The following PKIB variants were observed in gnomAD, a reference collection of about 807,000 sequenced individuals.
The protein encoded by PKIB is cAMP-dependent protein kinase inhibitor beta, also known as PKI-beta.
PKIB carries 2 observed loss-of-function variants against 4.5 expected under a neutral mutation model. That is an observed-to-expected ratio of 0.44 (90% CI 0.18 to 1.39). The LOEUF is 1.39. Among genes scored for constraint, PKIB ranks in the 40% most tolerant of loss-of-function variants. PKIB has a pLI of 0.27. For missense variants in PKIB, 94 were observed against 92.6 expected (o/e 1.02, Z -0.06); for synonymous variants, 38 against 36.0 (o/e 1.06, Z -0.20).
chr6:122,663,625 T>A (rs987647072), intron 2 of PKIB, among the ~76,000 whole-genome samples: 1 of 152,180 alleles, frequency 6.6e-6, no homozygotes, highest in African/African-American at 2.4e-5. Context: ...AGCTGGTAGA[T>A]GTGTCCCTCC....
chr6:122,622,684 TC>T (rs1222524157), intron 1 of PKIB, among the ~76,000 whole-genome samples: 1 of 152,006 alleles, frequency 6.6e-6, no homozygotes, highest in Non-Finnish European at 1.5e-5. Flanking sequence ...TGGTGCTTCA[TC>T]CCCCATGGCA....
chr6:122,496,226 A>G (rs547545849), intron 2 of PKIB, among the ~76,000 whole-genome samples: 3 of 152,334 alleles, frequency 2.0e-5, no homozygotes, highest in Non-Finnish European at 4.4e-5. Flanking sequence ...ATCTGAAGTG[A>G]CAGAAGTGCA....
intron 2 of PKIB, among the ~76,000 whole-genome samples, chr6:122,561,610 A>C (rs1025278739): frequency 5.3e-5 from 8 of 151,240 alleles, no homozygotes; most frequent in African/African-American, 1.9e-4. Flanking sequence ...TATGGTGCAT[A>C]TATGTTTAGG....
chr6:122,642,592 C>G (rs1414228373), intron 2 of PKIB, among the ~76,000 whole-genome samples: 1 of 152,160 alleles, frequency 6.6e-6, no homozygotes, highest in African/African-American at 2.4e-5. Context: ...ATTTGTCCCT[C>G]TAGGTAGGAG....
chr6:122,485,815 C>G (rs867249904), intron 2 of PKIB, among the ~76,000 whole-genome samples: 1 of 152,114 alleles, frequency 6.6e-6, no homozygotes, highest in African/African-American at 2.4e-5. Flanking sequence ...AGTGACTGTG[C>G]TTTGGTAGCA....
intron 2 of PKIB, among the ~76,000 whole-genome samples, chr6:122,649,021 C>T (rs981847254): frequency 2.6e-5 from 4 of 152,192 alleles, no homozygotes; most frequent in Non-Finnish European, 5.9e-5. Flanking sequence ...GTGCAGTATC[C>T]ACAGAATGGG....
chr6:122,493,554 A>G (rs1174269025), intron 2 of PKIB: 2 of 152,234 alleles, frequency 1.3e-5, no homozygotes, highest in Admixed American at 6.5e-5. Context: ...TTTATTATGC[A>G]TATCTGAAGC....
chr6:122,525,297 T>C (rs1169736432), intron 2 of PKIB, among the ~76,000 whole-genome samples: 3 of 152,226 alleles, frequency 2.0e-5, no homozygotes, highest in African/African-American at 7.2e-5. Context: ...TTTCATTCTA[T>C]TGTGATTGAA....
chr6:122,514,546 C>T (rs781140599), intron 2 of PKIB, among the ~76,000 whole-genome samples: 6 of 152,112 alleles, frequency 3.9e-5, no homozygotes, highest in Non-Finnish European at 1.5e-5. Flanking sequence ...CACAAAGTGG[C>T]ATATATTTGA....
intron 3 of PKIB, among the ~76,000 whole-genome samples, chr6:122,716,857 A>G (rs1443741628): frequency 2.0e-5 from 3 of 152,122 alleles, no homozygotes; most frequent in Non-Finnish European, 4.4e-5. Flanking sequence ...CTCTGCAGGC[A>G]TATATTTTCT....
At chr6:122,645,294 G>A (rs1347624119) in intron 2 of PKIB, among the ~76,000 whole-genome samples, 4 of 152,216 alleles carry the variant, frequency 2.6e-5, no homozygotes, top group East Asian at 1.9e-4. Context: ...AGAGTTGGTG[G>A]TAGAGGATGG....
intron 2 of PKIB, among the ~76,000 whole-genome samples, chr6:122,490,600 C>T (rs537115979): frequency 6.6e-6 from 1 of 152,252 alleles, no homozygotes; most frequent in South Asian, 2.1e-4. Context: ...TCTCCCTTCT[C>T]TCTTTCTTGC....
chr6:122,589,368 C>T (rs1026622729), intron 3 of PKIB, among the ~76,000 whole-genome samples: 4 of 151,932 alleles, frequency 2.6e-5, no homozygotes, highest in Non-Finnish European at 4.4e-5. Context: ...ATGTAAAAAG[C>T]AATATTATAT....
intron 2 of PKIB, among the ~76,000 whole-genome samples, chr6:122,518,291 C>T (rs1776824571): frequency 6.6e-6 from 1 of 152,200 alleles, no homozygotes; most frequent in Admixed American, 6.5e-5. Context: ...ATTACCAACC[C>T]TGCTTTAAGA....
At chr6:122,555,882 T>C (rs1772821017) in intron 2 of PKIB, among the ~76,000 whole-genome samples, 2 of 152,316 alleles carry the variant, frequency 1.3e-5, no homozygotes, top group South Asian at 4.1e-4. Context: ...AAAAGATGTG[T>C]ATAATACAGA....
intron 3 of PKIB, among the ~76,000 whole-genome samples, chr6:122,593,651 A>G (rs1774081501): frequency 6.6e-6 from 1 of 152,230 alleles, no homozygotes; most frequent in South Asian, 2.1e-4. Flanking sequence ...GTATTTCAAT[A>G]CAATCCTAGT....
chr6:122,694,785 T>A (rs893719837), intron 3 of PKIB, among the ~76,000 whole-genome samples: 6 of 152,208 alleles, frequency 3.9e-5, no homozygotes, highest in Admixed American at 3.3e-4. Context: ...ATTGAACGGC[T>A]ACTGAGCTAA....
intron 2 of PKIB, among the ~76,000 whole-genome samples, chr6:122,640,175 C>T (rs1180185727): frequency 1.3e-5 from 2 of 152,152 alleles, no homozygotes; most frequent in Admixed American, 6.5e-5. Context: ...GTACTCAATT[C>T]ATGGGAACTA....
intron 1 of PKIB, among the ~76,000 whole-genome samples, chr6:122,611,059 T>C (rs1353053248): frequency 2.0e-5 from 3 of 152,182 alleles, no homozygotes; most frequent in African/African-American, 7.2e-5. Flanking sequence ...GGATAAAATA[T>C]GGAGGTGGGT....
Sources: gnomAD v4.1 joint callset for allele counts (sites outside exome capture counted in the v4.1 genomes callset) on GRCh38, gnomAD v4.1.1 for gene constraint, MANE v1.5 for transcripts, NCBI Gene and HGNC (gene_info 2026-07-23, HGNC 2026-07-21) for gene names.